Variants in LSAMP observed in about 807,000 individuals in gnomAD.
LSAMP encodes limbic system-associated membrane protein.
A neutral mutation model predicts 38.6 loss-of-function variants in LSAMP; 7 were observed. The ratio of observed to expected loss-of-function variants is 0.18; its 90% confidence interval spans 0.10 to 0.34. The LOEUF is 0.34. Ranked by LOEUF, LSAMP falls within the 10% of genes least tolerant of loss-of-function variation. The probability of loss-of-function intolerance (pLI) is 1.00; values close to 1 mark genes in which losing one functional copy is unlikely to be tolerated. For synonymous variants in LSAMP, 154 were observed against 166.8 expected (o/e 0.92, Z 0.59); for missense variants, 313 against 420.0 (o/e 0.75, Z 2.23).
intron 1 of LSAMP, among the ~76,000 whole-genome samples, chr3:116,156,483 T>C (rs1316947373): frequency 1.3e-5 from 2 of 152,126 alleles, no homozygotes; most frequent in Non-Finnish European, 2.9e-5. Context: ...GCAGTGTACA[T>C]AGGAGGATGC....
chr3:116,062,349 A>T (rs1213217724), intron 2 of LSAMP, among the ~76,000 whole-genome samples: 1 of 152,166 alleles, frequency 6.6e-6, no homozygotes, highest in Non-Finnish European at 1.5e-5. Context: ...TCTCTACTGA[A>T]GATACAAAAA....
chr3:116,342,950 A>G (rs1453405926), intron 1 of LSAMP, among the ~76,000 whole-genome samples: 1 of 152,154 alleles, frequency 6.6e-6, no homozygotes, highest in Non-Finnish European at 1.5e-5. Context: ...CAAAGTGAAA[A>G]TGTAAGAAAT....
intron 6 of LSAMP, among the ~76,000 whole-genome samples, chr3:115,833,003 A>C (rs1438735548): frequency 6.6e-6 from 1 of 152,194 alleles, no homozygotes; most frequent in Non-Finnish European, 1.5e-5. Context: ...TAAATACTTG[A>C]GTTGGTGGCT....
At chr3:116,198,532 G>T (rs1576426412) in intron 1 of LSAMP, among the ~76,000 whole-genome samples, 1 of 152,116 alleles carries the variant, frequency 6.6e-6, no homozygotes, top group Non-Finnish European at 1.5e-5. Context: ...CACTGTGGGA[G>T]GCCGAGGCTG....
intron 1 of LSAMP, among the ~76,000 whole-genome samples, chr3:116,220,350 G>GACAC (rs10575234): frequency 0.014 from 1,931 of 138,538 alleles, 28 homozygotes; most frequent in African/African-American, 0.032. Context: ...ATTTGCATAT[G>GACAC]ACACACACAC....
intron 3 of LSAMP, among the ~76,000 whole-genome samples, chr3:116,006,690 A>T (rs1940170758): frequency 6.6e-6 from 1 of 152,150 alleles, no homozygotes. Context: ...CCCCCTGCCG[A>T]CTTCTGTGTC....
At position 116,354,981 on chromosome 3, in the gene LSAMP, A is replaced by T. The variant is rs75535168; in HGVS notation, c.155+89896T>A. On this transcript the variant is annotated intron_variant, in intron 1 of 6. Transcript: ENST00000490035. Reference sequence around the variant, plus strand: ...GACTGATTCTCCAACATTCCATTATAGATGCTGTTTGTTTATTACATAATA... The same window carrying T: ...GACTGATTCTCCAACATTCCATTATTGATGCTGTTTGTTTATTACATAATA... Among the ~76,000 whole-genome samples, 82 of 152,206 alleles carry T rather than the reference A, an allele frequency of 5.4e-4. No homozygotes were observed. In the East Asian group the frequency reaches 0.015, roughly 28 times the overall value.
At chr3:116,373,094 T>G (rs1314822597) in intron 1 of LSAMP, among the ~76,000 whole-genome samples, 3 of 151,582 alleles carry the variant, frequency 2.0e-5, no homozygotes, top group Non-Finnish European at 4.4e-5. Context: ...ATTGAAAGCA[T>G]AATCTAAAAA....
At chr3:116,433,170 A>G (rs939906866) in intron 1 of LSAMP, among the ~76,000 whole-genome samples, 2 of 152,282 alleles carry the variant, frequency 1.3e-5, no homozygotes, top group Admixed American at 6.5e-5. Context: ...TTCCCCAGTC[A>G]TTGTTTTCAC....
chr3:116,186,627 C>G (rs187075539), intron 1 of LSAMP, among the ~76,000 whole-genome samples: 48 of 152,202 alleles, frequency 3.2e-4, no homozygotes, highest in African/African-American at 1.1e-3. Flanking sequence ...CAGAGAAAAC[C>G]AAGCTTCAAG....
chr3:116,026,676 AAG>A (rs1052335944), intron 2 of LSAMP, among the ~76,000 whole-genome samples: 1 of 152,168 alleles, frequency 6.6e-6, no homozygotes, highest in African/African-American at 2.4e-5. Context: ...AATGATTCAA[AAG>A]AGGATGAAAC....
chr3:116,128,456 C>A (rs1709054726), intron 1 of LSAMP, among the ~76,000 whole-genome samples: 1 of 152,178 alleles, frequency 6.6e-6, no homozygotes, highest in Non-Finnish European at 1.5e-5. Context: ...CACACACATT[C>A]CCATACTATA....
intron 3 of LSAMP, among the ~76,000 whole-genome samples, chr3:115,923,751 C>A (rs1937436336): frequency 6.6e-6 from 1 of 151,892 alleles, no homozygotes; most frequent in South Asian, 2.1e-4. Context: ...CTTTTTTGCC[C>A]AGTGAACTCC....
At chr3:116,350,035 GT>G (rs1370250054) in intron 1 of LSAMP, among the ~76,000 whole-genome samples, 1 of 152,028 alleles carries the variant, frequency 6.6e-6, no homozygotes, top group Non-Finnish European at 1.5e-5. Context: ...GCTGGAAGAG[GT>G]TTTAAGTGTC....
Position 116,080,633 on chromosome 3 carries a change from T to C in LSAMP, c.388+5691A>G, listed in dbSNP as rs1707851607. On this transcript the variant is annotated intron_variant, in intron 2 of 6. Coordinates refer to ENST00000490035, the MANE Select transcript of LSAMP (RefSeq NM_002338.5). ...TTCAGTTCTTCCCTTTCATTAGCTGTCTGGTTGCTGATGTGAATAGTGAAG... is the reference window on the plus strand; with the variant it reads ...TTCAGTTCTTCCCTTTCATTAGCTGCCTGGTTGCTGATGTGAATAGTGAAG... Among the ~76,000 whole-genome samples the C allele has an allele frequency of 2.0e-5, 3 of 152,348 alleles. No homozygotes were observed. In the South Asian group the frequency reaches 6.2e-4, roughly 32 times the overall value.
intron 3 of LSAMP, among the ~76,000 whole-genome samples, chr3:116,019,157 TGGG>T (rs35506484): frequency 1.0e-5 from 1 of 97,682 alleles, no homozygotes; most frequent in Non-Finnish European, 2.3e-5. Flanking sequence ...GCATTGTGGG[TGGG>T]GGGGGGGGGG....
At chr3:116,388,863 T>TAAAC (rs201582466) in intron 1 of LSAMP, among the ~76,000 whole-genome samples, 4 of 151,544 alleles carry the variant, frequency 2.6e-5, no homozygotes, top group African/African-American at 4.8e-5. Context: ...GCAGGCATCT[T>TAAAC]AAACAAACAA....
At chr3:116,428,819 CA>C in intron 1 of LSAMP, among the ~76,000 whole-genome samples, 1 of 152,286 alleles carries the variant, frequency 6.6e-6, no homozygotes, top group Middle Eastern at 3.4e-3. Context: ...TAAGAAGCCC[CA>C]TTTTTATTTT....
intron 1 of LSAMP, among the ~76,000 whole-genome samples, chr3:116,337,063 A>G (rs2047929194): frequency 6.6e-6 from 1 of 151,918 alleles, no homozygotes; most frequent in African/African-American, 2.4e-5. Flanking sequence ...AATGAAATAA[A>G]TCAGTCACAA....
Sources: allele counts gnomAD v4.1 joint callset (sites outside exome capture counted in the v4.1 genomes callset), GRCh38; gene constraint gnomAD v4.1.1; transcripts MANE v1.5; gene names NCBI Gene and HGNC (gene_info 2026-07-23, HGNC 2026-07-21).